Variants in NRG3 observed in about 807,000 individuals in gnomAD.
NRG3 encodes the protein neuregulin 3, also known as pro-neuregulin-3, membrane-bound isoform.
Under a neutral mutation model 66.9 loss-of-function variants are expected in NRG3, and 31 were observed. The ratio of observed to expected loss-of-function variants is 0.46; its 90% confidence interval spans 0.35 to 0.63. The LOEUF is 0.63. NRG3 is among the 20% of genes least tolerant of loss of function. The probability of loss-of-function intolerance (pLI) is 0.00; values close to 1 mark genes in which losing one functional copy is unlikely to be tolerated. For synonymous variants in NRG3, 393 were observed against 359.4 expected (o/e 1.09, Z -1.06); for missense variants, 910 against 878.9 (o/e 1.04, Z -0.45).
chr10:82,796,325 G>A (rs1479784504), intron 3 of NRG3, among the ~76,000 whole-genome samples: 2 of 152,154 alleles, frequency 1.3e-5, no homozygotes, highest in Non-Finnish European at 2.9e-5. Context: ...TGGTACCCCA[G>A]ATTGTCAATC....
At chr10:81,939,048 T>C (rs964389965) in intron 1 of NRG3, among the ~76,000 whole-genome samples, 2 of 152,070 alleles carry the variant, frequency 1.3e-5, no homozygotes, top group African/African-American at 4.8e-5. Context: ...TTTACTAATG[T>C]AGCATATCCC....
At chr10:82,753,172 A>G (rs2058943148) in intron 3 of NRG3, among the ~76,000 whole-genome samples, 1 of 152,052 alleles carries the variant, frequency 6.6e-6, no homozygotes, top group Non-Finnish European at 1.5e-5. Flanking sequence ...ATGAAACTAT[A>G]TTTGTCTTTG....
chr10:82,770,092 A>G (rs1281591783), intron 3 of NRG3, among the ~76,000 whole-genome samples: 1 of 152,136 alleles, frequency 6.6e-6, no homozygotes, highest in Non-Finnish European at 1.5e-5. Context: ...AATAAAAATG[A>G]GTCATTATAT....
At chr10:82,126,027 G>A (rs2068428315) in intron 1 of NRG3, among the ~76,000 whole-genome samples, 1 of 152,100 alleles carries the variant, frequency 6.6e-6, no homozygotes, top group Non-Finnish European at 1.5e-5. Flanking sequence ...AAACAAGGAC[G>A]CTTAAGAGTG....
intron 3 of NRG3, among the ~76,000 whole-genome samples, chr10:82,818,846 T>C (rs1241822626): frequency 6.6e-6 from 1 of 152,222 alleles, no homozygotes; most frequent in Non-Finnish European, 1.5e-5. Flanking sequence ...CTCTCAGCCC[T>C]GCTTTGTGCT....
At chr10:82,127,467 T>C (rs2068522559) in intron 1 of NRG3, among the ~76,000 whole-genome samples, 1 of 152,066 alleles carries the variant, frequency 6.6e-6, no homozygotes, top group Admixed American at 6.6e-5. Flanking sequence ...TTCAGCCCTT[T>C]AGTCCCTTGA....
intron 2 of NRG3, among the ~76,000 whole-genome samples, chr10:82,499,427 A>G (rs1481404362): frequency 6.6e-6 from 1 of 152,142 alleles, no homozygotes; most frequent in African/African-American, 2.4e-5. Flanking sequence ...GATAATTAGC[A>G]ATCTGCTCCT....
At chr10:82,561,619 C>T (rs1296440135) in intron 2 of NRG3, among the ~76,000 whole-genome samples, 3 of 152,148 alleles carry the variant, frequency 2.0e-5, no homozygotes, top group African/African-American at 7.2e-5. Context: ...CACCACTGTG[C>T]TCCATCCTGG....
intron 2 of NRG3, among the ~76,000 whole-genome samples, chr10:82,548,431 T>C (rs2132851843): frequency 6.6e-6 from 1 of 152,018 alleles, no homozygotes; most frequent in African/African-American, 2.4e-5. Flanking sequence ...ATCTCATTGA[T>C]ACTTATTGTC....
intron 1 of NRG3, among the ~76,000 whole-genome samples, chr10:82,149,338 G>A (rs1437075854): frequency 6.6e-6 from 1 of 152,044 alleles, no homozygotes; most frequent in Non-Finnish European, 1.5e-5. Context: ...TATTGACAAA[G>A]TCATGCCATA....
chr10:82,832,627 T>G, intron 3 of NRG3, among the ~76,000 whole-genome samples: 1 of 152,218 alleles, frequency 6.6e-6, no homozygotes, highest in East Asian at 1.9e-4. Flanking sequence ...TTATAGCAAC[T>G]CTTTCAAAAG....
intron 4 of NRG3, among the ~76,000 whole-genome samples, chr10:82,923,640 G>C (rs1846678532): frequency 6.6e-6 from 1 of 152,074 alleles, no homozygotes; most frequent in African/African-American, 2.4e-5. Flanking sequence ...ATTAAAAACA[G>C]GAGAGAAAGA....
chr10:81,944,507 T>C lies in NRG3; in HGVS notation c.823+68344T>C, dbSNP rs991943821. Reference sequence around the variant, plus strand: ...AAAAACTGAAAAATTTTAGTATACATGGGGAAAATGTTGTTTGAAATGGTT... The same window carrying C: ...AAAAACTGAAAAATTTTAGTATACACGGGGAAAATGTTGTTTGAAATGGTT... On this transcript the variant is annotated intron_variant, in intron 1 of 8. Coordinates refer to ENST00000372141, the MANE Select transcript of NRG3 (RefSeq NM_001010848.4). Among the ~76,000 whole-genome samples the C allele has an allele frequency of 5.3e-5, 8 of 152,150 alleles. No individual in the cohort carries two copies. In the South Asian group the frequency reaches 1.2e-3, roughly 24 times the overall value.
At chr10:82,550,316 A>C (rs2044220873) in intron 2 of NRG3, among the ~76,000 whole-genome samples, 1 of 152,176 alleles carries the variant, frequency 6.6e-6, no homozygotes, top group African/African-American at 2.4e-5. Context: ...TCAGCCTGCC[A>C]ATGAGAAAAC....
chr10:82,956,082 G>A (rs1850019496), intron 5 of NRG3, among the ~76,000 whole-genome samples: 1 of 151,838 alleles, frequency 6.6e-6, no homozygotes, highest in African/African-American at 2.4e-5. Context: ...CTTAACAAAA[G>A]TCCTCTATGC....
intron 2 of NRG3, among the ~76,000 whole-genome samples, chr10:82,417,102 C>T (rs1486304987): frequency 6.6e-6 from 1 of 152,132 alleles, no homozygotes; most frequent in Non-Finnish European, 1.5e-5. Context: ...TCATTCTTTC[C>T]CTTCAGCTCC....
intron 3 of NRG3, among the ~76,000 whole-genome samples, chr10:82,809,872 TTA>T (rs202241526): frequency 2.9e-4 from 44 of 152,048 alleles, no homozygotes; most frequent in Admixed American, 2.7e-3. Flanking sequence ...TAAAACTTCA[TTA>T]TTTTTTTTAA....
intron 2 of NRG3, among the ~76,000 whole-genome samples, chr10:82,605,136 A>C (rs2047882858): frequency 6.6e-6 from 1 of 152,086 alleles, no homozygotes; most frequent in Non-Finnish European, 1.5e-5. Context: ...GTGAGAAAAC[A>C]TGTAATTTCT....
intron 1 of NRG3, among the ~76,000 whole-genome samples, chr10:82,036,612 G>A (rs2062802972): frequency 2.0e-5 from 3 of 152,092 alleles, no homozygotes; most frequent in Admixed American, 2.0e-4. Flanking sequence ...GTAGTAAGTA[G>A]CACATAAATG....
Sources: allele counts gnomAD v4.1 joint callset (sites outside exome capture counted in the v4.1 genomes callset), GRCh38; gene constraint gnomAD v4.1.1; transcripts MANE v1.5; gene names NCBI Gene and HGNC (gene_info 2026-07-23, HGNC 2026-07-21).